The following HEXD variants were observed in gnomAD, a reference collection of about 807,000 sequenced individuals.
HEXD encodes the protein N-acetyl-beta-galactosaminidase.
In HEXD, 47 loss-of-function variants were observed where a neutral mutation model predicts 54.2. The ratio of observed to expected loss-of-function variants is 0.87; its 90% CI spans 0.69 to 1.11. HEXD has a LOEUF of 1.11. Among genes scored for constraint, HEXD ranks in the 50% least tolerant of loss-of-function variants. The probability of loss-of-function intolerance (pLI) is 0.00; values close to 1 mark genes in which losing one functional copy is unlikely to be tolerated. For missense variants in HEXD, 576 were observed against 649.2 expected (o/e 0.89, Z 1.23); for synonymous variants, 293 against 287.6 (o/e 1.02, Z -0.19).
intron 4 of HEXD, among the ~76,000 whole-genome samples, chr17:82,433,183 T>C (rs942919844): frequency 2.2e-5 from 3 of 138,798 alleles, no homozygotes; most frequent in African/African-American, 8.1e-5. Context: ...GGTTCACGCC[T>C]GTAATCCCAG....
At chr17:82,431,680 G>A (rs1029243585) in intron 4 of HEXD, among the ~76,000 whole-genome samples, 4 of 151,940 alleles carry the variant, frequency 2.6e-5, no homozygotes, top group African/African-American at 9.7e-5. Flanking sequence ...GCCTCCCAAA[G>A]TGCTGGGACT....
chr17:82,438,056 G>A (rs1356766613), intron 8 of HEXD, among the ~76,000 whole-genome samples: 1 of 152,120 alleles, frequency 6.6e-6, no homozygotes, highest in Non-Finnish European at 1.5e-5. Context: ...GGCCAACGTG[G>A]TGAAACCCCA....
rs981782483 is a variant in HEXD at position 82,441,393 on chromosome 17, T to TGGGGCAGGTGCGGGTGA, written c.1163+138_1163+154dup. On this transcript the variant is annotated intron_variant, in intron 11 of 12. Coordinates refer to ENST00000327949, the MANE Select transcript of HEXD (RefSeq NM_001330542.2). Reference sequence around the variant, plus strand: ...GCAGGTGCAGGTGAGCGGGCAGGCATGGGGCAGGTGCGGGTGAGGGGCAGG... The same window carrying TGGGGCAGGTGCGGGTGA: ...GCAGGTGCAGGTGAGCGGGCAGGCATGGGGCAGGTGCGGGTGAGGGGCAGGTGCGGGTGAGGGGCAGG... The TGGGGCAGGTGCGGGTGA allele has an allele frequency of 2.1e-5, 19 of 924,138 alleles. No homozygotes were observed. In the South Asian group the frequency reaches 2.7e-4, roughly 13 times the overall value. 57.2% of individuals were successfully genotyped at this position (924,138 alleles called of 1,614,324 possible). A position where few individuals can be genotyped will look rare whatever the true frequency, so the allele number is the denominator to read the frequency against.
chr17:82,420,815 C>T (rs548221045), intron 2 of HEXD, among the ~76,000 whole-genome samples: 1 of 152,198 alleles, frequency 6.6e-6, no homozygotes, highest in East Asian at 1.9e-4. Context: ...ATCCACCCGC[C>T]TCAGCCTCCC....
rs1461630032 is a variant in HEXD, at chr17:82,437,328, C to G, written c.864C>G (p.Asp288Glu). The G allele has an allele frequency of 1.9e-6, 3 of 1,610,056 alleles. No individual in the cohort carries two copies. The highest frequency in any genetic ancestry group is 1.3e-5 in the African/African-American group (1 of 74,902). ...WLQVAGSGPT[D>E]SLQGIILTGW... ...AGGTGGCGGGCAGCGGGCCCACGGA[C>G]TCACTGCAGGGCATCATCCTGACCG... Residue 288 changes from aspartate to glutamate, a missense_variant, in exon 8 of 13, where the codon GAC (aspartate) becomes GAG (glutamate). Physicochemically the swap from Asp to Glu is conservative, Grantham distance 45. Transcript: ENST00000327949.
chr17:82,435,927 G>A (rs868102177), intron 6 of HEXD, 55 bp downstream of exon 6: 51 of 1,533,922 alleles, frequency 3.3e-5, no homozygotes, highest in Middle Eastern at 4.0e-4. Context: ...CAAGACCTGC[G>A]GCTTCAAAGA....
intron 4 of HEXD, among the ~76,000 whole-genome samples, chr17:82,431,727 C>G (rs551785343): frequency 2.1e-4 from 32 of 152,196 alleles, no homozygotes; most frequent in African/African-American, 6.7e-4. Context: ...TCCTTTCATT[C>G]TTACAATATA....
At chr17:82,439,835 G>A in intron 9 of HEXD, 122 bp downstream of exon 9, 3 of 1,571,564 alleles carry the variant, frequency 1.9e-6, no homozygotes, top group Non-Finnish European at 2.6e-6. Context: ...CACAGTCGGA[G>A]GATGGTCTCA....
chr17:82,439,493 G>A, intron 8 of HEXD, 138 bp from the exon 9 acceptor site: 1 of 1,447,598 alleles, frequency 6.9e-7, no homozygotes. Context: ...GGCCCCATGG[G>A]TTGAGGGGGT....
At chr17:82,428,792 G>A (rs1226512212) in intron 4 of HEXD, 147 bp downstream of exon 4, 3 of 655,430 alleles carry the variant, frequency 4.6e-6, no homozygotes, top group Non-Finnish European at 8.2e-6. Context: ...AAAGGCCTTT[G>A]GTCTAGGAAG....
At chr17:82,433,091 A>AAATAT (rs1555617647) in intron 4 of HEXD, among the ~76,000 whole-genome samples, 3 of 13,234 alleles carry the variant, frequency 2.3e-4, no homozygotes, top group Non-Finnish European at 1.0e-4. Context: ...AAAAAAAAAA[A>AAATAT]ATATATATAT....
At chr17:82,439,913 G>A (rs1321039087) in intron 9 of HEXD, 200 bp downstream of exon 9, 6 of 1,525,018 alleles carry the variant, frequency 3.9e-6, no homozygotes, top group Non-Finnish European at 5.3e-6. Flanking sequence ...GGGTCTCCAG[G>A]CCTAAGCCCA....
intron 3 of HEXD, chr17:82,426,367 G>A (rs1271780827): frequency 6.6e-6 from 1 of 152,254 alleles, no homozygotes; most frequent in Non-Finnish European, 1.5e-5. Flanking sequence ...GGGTGGTCGG[G>A]ATGTTCCTGG....
At chr17:82,424,896 G>A (rs1199463938) in intron 3 of HEXD, among the ~76,000 whole-genome samples, 2 of 152,152 alleles carry the variant, frequency 1.3e-5, no homozygotes, top group African/African-American at 2.4e-5. Context: ...CTGGGCTAGA[G>A]AAGGCTAGAG....
At chr17:82,438,989 C>T (rs1382807142) in intron 8 of HEXD, among the ~76,000 whole-genome samples, 2 of 152,158 alleles carry the variant, frequency 1.3e-5, no homozygotes, top group African/African-American at 4.8e-5. Context: ...CGCCTGTGCT[C>T]ACACCTGGGG....
intron 9 of HEXD, 82 bp downstream of exon 9, chr17:82,439,795 C>G (rs900585767): frequency 1.9e-6 from 3 of 1,596,402 alleles, no homozygotes; most frequent in African/African-American, 1.3e-5. Context: ...ACCCAGTGCT[C>G]CAACCACCCT....
chr17:82,427,706 T>C (rs531170705), intron 3 of HEXD, among the ~76,000 whole-genome samples: 142 of 152,360 alleles, frequency 9.3e-4, no homozygotes, highest in African/African-American at 3.3e-3. Flanking sequence ...TTTAAAGACT[T>C]TATGTAACTC....
intron 8 of HEXD, among the ~76,000 whole-genome samples, chr17:82,437,696 CTG>C (rs1180582145): frequency 6.6e-6 from 1 of 152,118 alleles, no homozygotes; most frequent in Non-Finnish European, 1.5e-5. Flanking sequence ...GGATTTCACT[CTG>C]TTGCTAGAAA....
In HEXD at chr17:82,433,934, C is replaced by A; in HGVS notation, c.447+112C>A. ...GGCCTAGAGACAGGCTTGTTGTTCC[C>A]CTCAGGGCACCCCATCCAACATCTT... is the stretch of plus-strand genomic sequence containing the variant. On this transcript the variant is annotated intron_variant, in intron 5 of 12. Transcript: ENST00000327949. 5.2e-6 allele frequency: 5 copies of A among 962,682 alleles called. No individual in the cohort carries two copies. In the South Asian group the frequency reaches 7.0e-5, roughly 13 times the overall value. 59.6% of individuals were successfully genotyped at this position (962,682 alleles called of 1,614,324 possible). A position where few individuals can be genotyped will look rare whatever the true frequency, so the allele number is the denominator to read the frequency against.
Sources: allele counts gnomAD v4.1 joint callset (sites outside exome capture counted in the v4.1 genomes callset), GRCh38; gene constraint gnomAD v4.1.1; transcripts MANE v1.5; gene names NCBI Gene and HGNC (gene_info 2026-07-23, HGNC 2026-07-21).